MARCHF5: variants seen among roughly 807,000 people sequenced by gnomAD.
MARCHF5 encodes the protein E3 ubiquitin-protein ligase MARCHF5.
MARCHF5 carries 5 observed loss-of-function variants against 36.5 expected under a neutral mutation model. The observed-to-expected ratio is 0.14, with a 90% CI of 0.07 to 0.29. MARCHF5 has a LOEUF of 0.29. MARCHF5 is among the 10% of genes least tolerant of loss of function. MARCHF5 has a pLI of 1.00. For synonymous variants in MARCHF5, 103 were observed against 109.9 expected, an observed-to-expected ratio of 0.94 and a Z score of 0.39; for missense variants, 179 against 336.3, an observed-to-expected ratio of 0.53 and a Z score of 3.66.
intron 1 of MARCHF5, among the ~76,000 whole-genome samples, chr10:92,293,939 A>G (rs2135171590): frequency 6.6e-6 from 1 of 152,310 alleles, no homozygotes; most frequent in South Asian, 2.1e-4. Context: ...GTAGATTTTT[A>G]ACATGACTTT....
chr10:92,309,652 G>A (rs1012794447), intron 1 of MARCHF5, among the ~76,000 whole-genome samples: 1 of 151,864 alleles, frequency 6.6e-6, no homozygotes, highest in Non-Finnish European at 1.5e-5. Flanking sequence ...TAACCAGCCT[G>A]TGTGCTAGTA....
intron 2 of MARCHF5, among the ~76,000 whole-genome samples, chr10:92,312,649 A>G (rs1843158003): frequency 6.6e-6 from 1 of 152,248 alleles, no homozygotes; most frequent in Non-Finnish European, 1.5e-5. Context: ...TCTTAGTTGT[A>G]CTAAATTAGA....
At chr10:92,302,867 A>G (rs1479958295) in intron 1 of MARCHF5, among the ~76,000 whole-genome samples, 1 of 152,218 alleles carries the variant, frequency 6.6e-6, no homozygotes, top group Non-Finnish European at 1.5e-5. Context: ...ATGTAAATAC[A>G]CTATTATGGC....
chr10:92,345,157 A>G (rs1444168756), intron 3 of MARCHF5, among the ~76,000 whole-genome samples: 1 of 149,888 alleles, frequency 6.7e-6, no homozygotes, highest in Non-Finnish European at 1.5e-5. Flanking sequence ...GTACTTACTT[A>G]TCCTTGATTC....
intron 2 of MARCHF5, among the ~76,000 whole-genome samples, chr10:92,321,745 A>G (rs563186181): frequency 3.3e-5 from 5 of 151,976 alleles, no homozygotes; most frequent in African/African-American, 4.8e-5. Flanking sequence ...CAGATTTTCT[A>G]TTTCTTCTTG....
intron 1 of MARCHF5, among the ~76,000 whole-genome samples, chr10:92,296,617 G>C (rs528341667): frequency 5.3e-5 from 8 of 152,248 alleles, no homozygotes. Context: ...AACTACTTCT[G>C]CTTCCCCCGT....
intron 1 of MARCHF5, among the ~76,000 whole-genome samples, chr10:92,301,437 T>C (rs1843010441): frequency 6.6e-6 from 1 of 152,262 alleles, no homozygotes; most frequent in African/African-American, 2.4e-5. Flanking sequence ...GCTGATGATT[T>C]GGAGTCATGG....
intron 1 of MARCHF5, among the ~76,000 whole-genome samples, chr10:92,301,309 T>G (rs1323783428): frequency 6.6e-6 from 1 of 152,256 alleles, no homozygotes; most frequent in Non-Finnish European, 1.5e-5. Flanking sequence ...TTAAAGTACC[T>G]TAGTAAAATG....
rs182630831 is a variant in MARCHF5, at chr10:92,321,639, T to C, written c.238+10302T>C. Among the ~76,000 whole-genome samples, 50 of 152,214 alleles carry C rather than the reference T, an allele frequency of 3.3e-4. 1 individual carries two copies. The highest frequency in any genetic ancestry group is 1.1e-3 in the African/African-American group (46 of 41,460). On this transcript the variant is annotated intron_variant, in intron 2 of 5. Transcript: ENST00000358935. Reference sequence around the variant, plus strand: ...AAGAGTTTGTGAAGGATTGGTGTTTTAAATGTTTGGGAGCAGTGAAGCCAT... The same window carrying C: ...AAGAGTTTGTGAAGGATTGGTGTTTCAAATGTTTGGGAGCAGTGAAGCCAT...
intron 1 of MARCHF5, among the ~76,000 whole-genome samples, chr10:92,296,032 C>T (rs1056093195): frequency 2.8e-4 from 42 of 151,878 alleles, no homozygotes; most frequent in African/African-American, 9.7e-4. Context: ...TGTGCCACCA[C>T]GCCTGGCTAA....
intron 2 of MARCHF5, among the ~76,000 whole-genome samples, chr10:92,335,052 A>G (rs927918423): frequency 6.6e-6 from 1 of 152,208 alleles, no homozygotes; most frequent in Non-Finnish European, 1.5e-5. Flanking sequence ...GAGGCCCACT[A>G]AGGCATTAAA....
chr10:92,330,880 C>G (rs1433327976), intron 2 of MARCHF5, among the ~76,000 whole-genome samples: 1 of 152,180 alleles, frequency 6.6e-6, no homozygotes, highest in Non-Finnish European at 1.5e-5. Flanking sequence ...CAGACCCAAC[C>G]TAATCCTTAC....
chr10:92,299,161 A>G (rs1328243164), intron 1 of MARCHF5, among the ~76,000 whole-genome samples: 1 of 151,870 alleles, frequency 6.6e-6, no homozygotes, highest in Non-Finnish European at 1.5e-5. Flanking sequence ...TTCCAGATCC[A>G]CTTGTTCATC....
intron 2 of MARCHF5, among the ~76,000 whole-genome samples, chr10:92,326,664 T>A (rs1843364146): frequency 6.6e-6 from 1 of 152,160 alleles, no homozygotes; most frequent in African/African-American, 2.4e-5. Context: ...GATAGCTAGG[T>A]GCCTGCACTA....
At chr10:92,314,749 C>A (rs1158335401) in intron 2 of MARCHF5, among the ~76,000 whole-genome samples, 1 of 1,770 alleles carries the variant, frequency 5.6e-4, no homozygotes, top group African/African-American at 7.7e-4. Flanking sequence ...CTTCCCCCCG[C>A]CCCCCCCCGC....
chr10:92,314,121 A>C (rs996833511), intron 2 of MARCHF5, among the ~76,000 whole-genome samples: 3 of 152,150 alleles, frequency 2.0e-5, no homozygotes, highest in African/African-American at 7.2e-5. Context: ...CTCAGCTGGG[A>C]GGATCACTTG....
At chr10:92,300,669 TCTTTTGCCCAAGC>T (rs1283682343) in intron 1 of MARCHF5, among the ~76,000 whole-genome samples, 2 of 152,136 alleles carry the variant, frequency 1.3e-5, no homozygotes, top group Non-Finnish European at 2.9e-5. Flanking sequence ...AGTACCCAAG[TCTTTTGCCCAAGC>T]CAAACTGGCT....
At chr10:92,334,229 C>T (rs987616642) in intron 2 of MARCHF5, among the ~76,000 whole-genome samples, 3 of 152,174 alleles carry the variant, frequency 2.0e-5, no homozygotes, top group African/African-American at 7.2e-5. Flanking sequence ...AGGTCGAAAT[C>T]AGTTCAATGC....
chr10:92,303,387 A>T (rs1202774486), intron 1 of MARCHF5, among the ~76,000 whole-genome samples: 1 of 151,572 alleles, frequency 6.6e-6, no homozygotes, highest in Non-Finnish European at 1.5e-5. Flanking sequence ...TTTTCTTTCC[A>T]CTCTAACTTG....
Sources: gnomAD v4.1 joint callset for allele counts (sites outside exome capture counted in the v4.1 genomes callset) on GRCh38, gnomAD v4.1.1 for gene constraint, MANE v1.5 for transcripts, NCBI Gene and HGNC (gene_info 2026-07-23, HGNC 2026-07-21) for gene names.